ELP4: variants seen among roughly 807,000 people sequenced by gnomAD.
The protein encoded by ELP4 is elongator acetyltransferase complex subunit 4.
ELP4 carries 51 observed loss-of-function variants against 48.9 expected under a neutral mutation model. The ratio of observed to expected loss-of-function variants is 1.04; its 90% CI spans 0.83 to 1.32. ELP4 has a LOEUF of 1.32. Among genes scored for constraint, ELP4 ranks in the 40% most tolerant of loss-of-function variants. The pLI, the probability that ELP4 is intolerant of heterozygous loss-of-function variation, is 0.00. For synonymous variants in ELP4, 210 were observed against 189.2 expected (o/e 1.11, Z -0.90); for missense variants, 519 against 514.6 (o/e 1.01, Z -0.08).
chr11:31,714,801 A>C (rs1946807858), intron 9 of ELP4: 1 of 398,034 alleles, frequency 2.5e-6, no homozygotes, highest in Non-Finnish European at 4.4e-6. Flanking sequence ...TATGTTACCA[A>C]CTCTCTGGTT....
At chr11:31,761,488 A>T (rs961577267) in intron 9 of ELP4, among the ~76,000 whole-genome samples, 7 of 152,196 alleles carry the variant, frequency 4.6e-5, no homozygotes, top group Non-Finnish European at 4.4e-5. Flanking sequence ...TAGAATTTCA[A>T]CCTGTTACAT....
intron 3 of ELP4, among the ~76,000 whole-genome samples, chr11:31,549,248 G>A (rs868624515): frequency 6.6e-6 from 1 of 151,440 alleles, no homozygotes; most frequent in Non-Finnish European, 1.5e-5. Flanking sequence ...CTGACAAAGG[G>A]CTAATATCCA....
intron 2 of ELP4, among the ~76,000 whole-genome samples, 197 bp from the exon 3 acceptor site, chr11:31,539,465 G>A (rs1177776393): frequency 2.6e-5 from 4 of 152,098 alleles, no homozygotes; most frequent in Admixed American, 2.6e-4. Context: ...AAAAAAAAGT[G>A]CCTAGTTCTC....
chr11:31,522,585 C>T (rs923741390), intron 2 of ELP4, among the ~76,000 whole-genome samples: 1 of 152,106 alleles, frequency 6.6e-6, no homozygotes. Flanking sequence ...TTTTCTATTA[C>T]TAACAATGCT....
chr11:31,574,878 TCTC>T (rs1957247354), intron 3 of ELP4, among the ~76,000 whole-genome samples: 1 of 152,122 alleles, frequency 6.6e-6, no homozygotes, highest in African/African-American at 2.4e-5. Flanking sequence ...GAGCACCTCT[TCTC>T]CTCCAAAGGA....
At chr11:31,625,404 C>T (rs1418064303) in intron 5 of ELP4, among the ~76,000 whole-genome samples, 1 of 151,696 alleles carries the variant, frequency 6.6e-6, no homozygotes, top group South Asian at 2.1e-4. Context: ...ATGGAATCAA[C>T]ATAAGTGTTC....
At chr11:31,740,774 C>A (rs879824674) in intron 9 of ELP4, among the ~76,000 whole-genome samples, 1 of 151,896 alleles carries the variant, frequency 6.6e-6, no homozygotes, top group Non-Finnish European at 1.5e-5. Flanking sequence ...CCAAGATGGC[C>A]GAATAGGAAC....
chr11:31,539,585 G>C, intron 2 of ELP4, 77 bp from the exon 3 acceptor site: 2 of 1,413,910 alleles, frequency 1.4e-6, no homozygotes, highest in Admixed American at 2.2e-5. Context: ...AAAAACATAT[G>C]AGTGTGCTTG....
At chr11:31,742,291 G>A (rs1947474049) in intron 9 of ELP4, among the ~76,000 whole-genome samples, 1 of 152,224 alleles carries the variant, frequency 6.6e-6, no homozygotes, top group African/African-American at 2.4e-5. Context: ...GAAAGTGACG[G>A]TGAGAATGGA....
At chr11:31,687,351 A>G (rs1317222017) in intron 9 of ELP4, among the ~76,000 whole-genome samples, 1 of 152,230 alleles carries the variant, frequency 6.6e-6, no homozygotes, top group Non-Finnish European at 1.5e-5. Context: ...AAGAAGGCAG[A>G]AGAATCATGT....
intron 9 of ELP4, chr11:31,714,662 C>T (rs749840591): frequency 3.8e-5 from 15 of 398,478 alleles, no homozygotes; most frequent in Middle Eastern, 6.2e-4. Flanking sequence ...AGCACAGCTA[C>T]GTTCCTCCTG....
At chr11:31,599,515 A>G (rs1371611589) in intron 4 of ELP4, 2 of 12,620 alleles carry the variant, frequency 1.6e-4, no homozygotes, top group Non-Finnish European at 2.2e-3. Flanking sequence ...ACACACACAC[A>G]CACACACAAA....
At chr11:31,570,111 A>G (rs2973903) in intron 3 of ELP4, among the ~76,000 whole-genome samples, 54,783 of 152,138 alleles carry the variant, frequency 0.36, 12,161 homozygotes, top group African/African-American at 0.62. Flanking sequence ...GAACCAACCC[A>G]GGTGCCCGTC....
intron 1 of ELP4, among the ~76,000 whole-genome samples, chr11:31,513,400 T>C (rs1290573606): frequency 1.3e-5 from 2 of 152,190 alleles, no homozygotes; most frequent in Non-Finnish European, 2.9e-5. Flanking sequence ...CAATTAAATT[T>C]GAGATCCAGC....
intron 2 of ELP4, among the ~76,000 whole-genome samples, chr11:31,526,271 T>G (rs1956293026): frequency 6.6e-6 from 1 of 152,126 alleles, no homozygotes; most frequent in Non-Finnish European, 1.5e-5. Flanking sequence ...CATGATAACT[T>G]ATCTTAAAAA....
At position 31,552,096 on chromosome 11, in the gene ELP4, T is replaced by C. The variant is rs999957927; in HGVS notation, c.381+12313T>C. ...CTTGCCTCATCAATAGCACTTGATA[T>C]CATTGATCATTCCTTCTTCCCCGAT... On this transcript the variant is annotated intron_variant, in intron 3 of 9. Coordinates refer to ENST00000640961, the MANE Select transcript of ELP4 (RefSeq NM_019040.5). Among the ~76,000 whole-genome samples, 7 of 152,202 alleles carry C rather than the reference T, an allele frequency of 4.6e-5. No homozygotes were observed. In the South Asian group the frequency reaches 6.2e-4, roughly 13 times the overall value.
intron 9 of ELP4, among the ~76,000 whole-genome samples, chr11:31,776,236 G>C (rs1015160868): frequency 1.3e-5 from 2 of 152,058 alleles, no homozygotes; most frequent in African/African-American, 4.8e-5. Context: ...TGTAGGATGG[G>C]GCATGGCCAA....
At chr11:31,748,152 A>T (rs1947638065) in intron 9 of ELP4, among the ~76,000 whole-genome samples, 1 of 151,432 alleles carries the variant, frequency 6.6e-6, no homozygotes, top group South Asian at 2.1e-4. Flanking sequence ...GCAGATTCGT[A>T]GTTATGTTCC....
chr11:31,750,077 G>T (rs1044031611), intron 9 of ELP4, among the ~76,000 whole-genome samples: 1 of 151,824 alleles, frequency 6.6e-6, no homozygotes, highest in Non-Finnish European at 1.5e-5. Context: ...TGTTAGCCAG[G>T]ATGGTCTCAA....
Sources: gnomAD v4.1 joint callset for allele counts (sites outside exome capture counted in the v4.1 genomes callset) on GRCh38, gnomAD v4.1.1 for gene constraint, MANE v1.5 for transcripts, NCBI Gene and HGNC (gene_info 2026-07-23, HGNC 2026-07-21) for gene names.